The following C12orf56 variants were observed in gnomAD, a reference collection of about 807,000 sequenced individuals.
C12orf56 encodes chromosome 12 open reading frame 56.
A neutral mutation model predicts 69.9 loss-of-function variants in C12orf56; 71 were observed. That is an observed-to-expected ratio of 1.02 (90% CI 0.84 to 1.24). C12orf56 has a LOEUF of 1.24. Ranked by LOEUF, C12orf56 falls within the 50% of genes most tolerant of loss-of-function variation. The probability of loss-of-function intolerance (pLI) is 0.00; values close to 1 mark genes in which losing one functional copy is unlikely to be tolerated. For missense variants in C12orf56, 732 were observed against 738.5 expected (o/e 0.99, Z 0.10); for synonymous variants, 276 against 274.1 (o/e 1.01, Z -0.07).
intron 8 of C12orf56, among the ~76,000 whole-genome samples, chr12:64,284,112 G>T (rs1344697300): frequency 6.6e-6 from 1 of 151,982 alleles, no homozygotes; most frequent in Non-Finnish European, 1.5e-5. Context: ...TGGTCAGGCT[G>T]GTCACAAACT....
At position 64,286,044 on chromosome 12, in the gene C12orf56, T is replaced by C. The variant is rs749920039; in HGVS notation, c.1130A>G (p.Tyr377Cys). The C allele has an allele frequency of 6.9e-6, 11 of 1,602,844 alleles. No individual in the cohort carries two copies. The highest frequency in any genetic ancestry group is 1.7e-5 in the Admixed American group (1 of 58,810). The change falls in exon 7 of 13, where the codon TAT becomes TGT. Residue 377 changes from tyrosine (Y) to cysteine (C), a missense_variant. Transcript: ENST00000543942. ...CTCATGAAGTTTGTTTACTATGAAA[T>C]AGAAAAGGTCACTGGTCTGTGAAAG... ...RLFWKTSDLF[Y>C]FIVNKLHEYL...
At chr12:64,364,751 G>C (rs1365579259) in intron 1 of C12orf56, among the ~76,000 whole-genome samples, 3 of 151,956 alleles carry the variant, frequency 2.0e-5, no homozygotes, top group Non-Finnish European at 2.9e-5. Context: ...AAGCGTTTCT[G>C]AATCCTGTGA....
intron 8 of C12orf56, among the ~76,000 whole-genome samples, chr12:64,283,152 A>AT (rs2038154100): frequency 6.6e-6 from 1 of 151,818 alleles, no homozygotes; most frequent in East Asian, 1.9e-4. Context: ...CAAAAAAAAA[A>AT]GAAAAAAGAA....
chr12:64,357,890 A>T (rs1436864295), intron 1 of C12orf56, among the ~76,000 whole-genome samples: 3 of 151,084 alleles, frequency 2.0e-5, no homozygotes, highest in African/African-American at 2.4e-5. Flanking sequence ...ACAGAGGGAG[A>T]CTCCATCTCA....
chr12:64,269,385 G>C (rs917653642), intron 12 of C12orf56, among the ~76,000 whole-genome samples: 1 of 152,092 alleles, frequency 6.6e-6, no homozygotes, highest in Admixed American at 6.6e-5. Flanking sequence ...GAACCCCTGA[G>C]GTGCAGGAGA....
chr12:64,340,184 T>G (rs566266129), intron 2 of C12orf56, among the ~76,000 whole-genome samples: 1 of 151,974 alleles, frequency 6.6e-6, no homozygotes, highest in Non-Finnish European at 1.5e-5. Context: ...AAGATGTAGG[T>G]TGGGAGGCTA....
At chr12:64,315,716 G>T (rs1220379318) in intron 4 of C12orf56, among the ~76,000 whole-genome samples, 1 of 152,196 alleles carries the variant, frequency 6.6e-6, no homozygotes, top group Non-Finnish European at 1.5e-5. Context: ...CAGATCACCT[G>T]AAGTCAGGAG....
chr12:64,282,592 G>C (rs1402142496), intron 8 of C12orf56, among the ~76,000 whole-genome samples: 1 of 151,636 alleles, frequency 6.6e-6, no homozygotes, highest in Admixed American at 6.6e-5. Flanking sequence ...TGGACAACAT[G>C]GCAAAACCCC....
Position 64,312,678 on chromosome 12 carries a change from C to T in C12orf56, c.968+1G>A. 1 of 1,531,358 alleles carries T rather than the reference C, an allele frequency of 6.5e-7. No homozygotes were observed. The highest frequency in any genetic ancestry group is 8.8e-7 in the Non-Finnish European group (1 of 1,141,702). The allele number at this position is 1,531,358 out of a possible 1,614,324, so 94.9% of individuals were successfully genotyped here. ...CTCTATCATACATCATCACTTCTTA[C>T]CTATATGGCTTTTGACTTCCAATAG... On this transcript the variant is annotated splice_donor_variant, in intron 5 of 12. Coordinates refer to ENST00000543942, the MANE Select transcript of C12orf56 (RefSeq NM_001170633.2). LOFTEE classifies it high-confidence loss of function.
Position 64,313,088 on chromosome 12 carries a change from A to G in C12orf56, c.895-336T>C, listed in dbSNP as rs539592037. Among the ~76,000 whole-genome samples, 223 of 151,550 alleles carry G rather than the reference A, an allele frequency of 1.5e-3. 3 individuals are homozygous for G. Among genetic ancestry groups the G allele is most frequent in the Middle Eastern group, 0.01 (3 of 294 alleles). On this transcript the variant is annotated intron_variant, in intron 4 of 12. Transcript: ENST00000543942. Reference sequence around the variant, plus strand: ...ATCCTGGCTAACACTGTGAAACCCCATCTCTACTAAAAATACAAAAAAAAT... The same window carrying G: ...ATCCTGGCTAACACTGTGAAACCCCGTCTCTACTAAAAATACAAAAAAAAT...
intron 2 of C12orf56, among the ~76,000 whole-genome samples, chr12:64,337,168 T>A (rs1450663585): frequency 1.3e-5 from 2 of 152,216 alleles, no homozygotes; most frequent in South Asian, 2.1e-4. Context: ...GATATAGATA[T>A]ACAGATATGT....
intron 11 of C12orf56, among the ~76,000 whole-genome samples, chr12:64,272,361 C>T (rs5015812): frequency 0.7 from 106,857 of 151,772 alleles, 38,801 homozygotes; most frequent in Non-Finnish European, 0.8. Context: ...AAAAATTAGC[C>T]AGTCGTGGTG....
At chr12:64,295,819 T>C (rs1409594974) in intron 6 of C12orf56, among the ~76,000 whole-genome samples, 1 of 150,868 alleles carries the variant, frequency 6.6e-6, no homozygotes, top group Non-Finnish European at 1.5e-5. Context: ...TATTTTTATA[T>C]CTATAATATA....
chr12:64,325,014 TCCCTAA>T (rs2038820101), intron 3 of C12orf56, among the ~76,000 whole-genome samples: 1 of 152,112 alleles, frequency 6.6e-6, no homozygotes, highest in Non-Finnish European at 1.5e-5. Context: ...CTGAACACTG[TCCCTAA>T]AGCTGAGGAT....
chr12:64,385,772 C>A (rs1156427927), intron 1 of C12orf56, among the ~76,000 whole-genome samples: 1 of 152,146 alleles, frequency 6.6e-6, no homozygotes, highest in Non-Finnish European at 1.5e-5. Flanking sequence ...CTCGGGGAGC[C>A]TGATCTGAGT....
intron 1 of C12orf56, among the ~76,000 whole-genome samples, chr12:64,362,376 A>C (rs1419479863): frequency 6.6e-6 from 1 of 152,164 alleles, no homozygotes; most frequent in Non-Finnish European, 1.5e-5. Flanking sequence ...TCCACACTGC[A>C]AAGTGAAAGC....
chr12:64,386,482 C>T (rs1418829829), intron 1 of C12orf56, among the ~76,000 whole-genome samples: 3 of 151,596 alleles, frequency 2.0e-5, no homozygotes, highest in African/African-American at 4.8e-5. Context: ...CCGCAACCTC[C>T]GCCTCCCGGG....
At position 64,303,637 on chromosome 12, in the gene C12orf56, T is replaced by C; in HGVS notation, c.1111A>G (p.Lys371Glu). The change falls in exon 6 of 13, where the codon AAG becomes GAG. Residue 371 changes from lysine (K) to glutamate (E), a missense_variant and splice_region_variant. Coordinates refer to ENST00000543942, the MANE Select transcript of C12orf56 (RefSeq NM_001170633.2). ...KNFILKRLFWKTSDLFYFIVN... is the reference protein window; with the variant it reads ...KNFILKRLFWETSDLFYFIVN... ...TAAAAATAAAACAAAACACTTACCTTCCAGAAAAGCCTTTTCAGAATGAAG... is the reference window on the plus strand; with the variant it reads ...TAAAAATAAAACAAAACACTTACCTCCCAGAAAAGCCTTTTCAGAATGAAG... 6.5e-7 allele frequency: 1 copy of C among 1,542,674 alleles called. No individual in the cohort carries two copies. Among genetic ancestry groups the C allele is most frequent in the Admixed American group, 2.2e-5 (1 of 46,054 alleles).
At chr12:64,274,825 G>T in intron 11 of C12orf56, 76 bp downstream of exon 11, 1 of 1,149,784 alleles carries the variant, frequency 8.7e-7, no homozygotes, top group Non-Finnish European at 1.2e-6. Flanking sequence ...GAAAATCTGT[G>T]TTTTATTAAT....
Sources: allele counts gnomAD v4.1 joint callset (sites outside exome capture counted in the v4.1 genomes callset), GRCh38; gene constraint gnomAD v4.1.1; transcripts MANE v1.5; gene names NCBI Gene and HGNC (gene_info 2026-07-23, HGNC 2026-07-21).